The following TYMP variants were observed in gnomAD, a reference collection of about 807,000 sequenced individuals.
TYMP encodes the protein thymidine phosphorylase, also known as gliostatin.
Under a neutral mutation model 42.3 loss-of-function variants are expected in TYMP, and 46 were observed. That is an observed-to-expected ratio of 1.09 (90% CI 0.86 to 1.39). The LOEUF is 1.39. TYMP is among the 40% of genes most tolerant of loss of function. The pLI is 0.00. For synonymous variants in TYMP, 363 were observed against 308.0 expected, an observed-to-expected ratio of 1.18 and a Z score of -1.87; for missense variants, 837 against 677.6, an observed-to-expected ratio of 1.24 and a Z score of -2.61.
Position 50,526,472 on chromosome 22 carries a change from GC to G in TYMP, c.932del (p.Gly311AlafsTer?). On this transcript the variant is annotated frameshift_variant, in exon 8 of 10. Transcript: ENST00000252029. LOFTEE classifies it high-confidence loss of function. ...CGTGTCCGCTGAGCCAGAGCAGGGC[GC>G]CCCCTGCGGGCGGGGACGGGTCTTA... ...DLRDLVTTLG[G>X]ALLWLSGHAG... 3 of 1,490,046 alleles carry G rather than the reference GC, an allele frequency of 2.0e-6. No homozygotes were observed. Among genetic ancestry groups the G allele is most frequent in the African/African-American group, 1.4e-5 (1 of 69,138 alleles). 92.3% of individuals were successfully genotyped at this position (1,490,046 alleles called of 1,614,324 possible). A position where few individuals can be genotyped will look rare whatever the true frequency, so the allele number is the denominator to read the frequency against.
intron 5 of TYMP, 55 bp from the exon 6 acceptor site, chr22:50,527,338 A>G (rs774897011): frequency 1.3e-5 from 19 of 1,488,182 alleles, no homozygotes; most frequent in African/African-American, 5.5e-5. Context: ...GCTTCTTGGG[A>G]GAGTTCGGGG....
Position 50,526,869 on chromosome 22 carries a change from G to A in TYMP, c.766-131C>T. 3 of 984,144 alleles carry A rather than the reference G, an allele frequency of 3.0e-6. No individual in the cohort carries two copies. In the Admixed American group the frequency reaches 7.4e-5, roughly 24 times the overall value. 61.0% of individuals were successfully genotyped at this position (984,144 alleles called of 1,614,324 possible). ...CATGAAGTCAGGGAAGGATTGGGGT[G>A]GGGAAGAGACACGAGTGAAGTGCGA... is the stretch of plus-strand genomic sequence containing the variant. On this transcript the variant is annotated intron_variant, in intron 6 of 9. Transcript: ENST00000252029.
In TYMP at chr22:50,526,045, A is replaced by T. The variant is rs1316453342; in HGVS notation, c.1256T>A (p.Val419Glu). 8 of 1,478,180 alleles carry T rather than the reference A, an allele frequency of 5.4e-6. No individual in the cohort carries two copies. Among genetic ancestry groups the T allele is most frequent in the Non-Finnish European group, 7.1e-6 (8 of 1,122,050 alleles). 91.6% of individuals were successfully genotyped at this position (1,478,180 alleles called of 1,614,324 possible). A position where few individuals can be genotyped will look rare whatever the true frequency, so the allele number is the denominator to read the frequency against. Reference sequence around the variant, plus strand: ...CACGTCGACCAGCAGCTCTGCGCCCACCCCCAGGCGGAGCGGCTCCCCAGC... The same window carrying T: ...CACGTCGACCAGCAGCTCTGCGCCCTCCCCCAGGCGGAGCGGCTCCCCAGC... ...SRAGEPLRLG[V>E]GAELLVDVGQ... is the part of the protein sequence containing the mutation. Residue 419 changes from valine (V) to glutamate (E), a missense_variant, in exon 9 of 10, where the codon GTG (valine) becomes GAG (glutamate). Transcript: ENST00000252029.
In TYMP at chr22:50,528,532, C is replaced by T. The variant is rs771890156; in HGVS notation, c.496G>A (p.Val166Ile). The change falls in exon 4 of 10, where the codon GTC becomes ATC. Residue 166 changes from valine to isoleucine, a missense_variant. Val to Ile is a conservative substitution (Grantham distance 29). Coordinates refer to ENST00000252029, the MANE Select transcript of TYMP (RefSeq NM_001953.5). ...CGTACCTGCTCTGGGCTCTGGATGA[C>T]ATTGAATCCAGGAATAGACTCCAGC... ...DKLESIPGFNVIQSPEQMQVL... is the reference protein window; with the variant it reads ...DKLESIPGFNIIQSPEQMQVL... 7.4e-6 allele frequency: 12 copies of T among 1,613,760 alleles called. No individual in the cohort carries two copies. The South Asian group carries it at 1.3e-4, about 18-fold the overall frequency.
At chr22:50,528,963 C>G (rs374540798) in intron 3 of TYMP, 173 bp downstream of exon 3, 20 of 748,242 alleles carry the variant, frequency 2.7e-5, no homozygotes, top group Non-Finnish European at 3.4e-5. Context: ...GGGCCCCAAG[C>G]GCTGTGCTGG....
intron 4 of TYMP, chr22:50,528,164 A>G (rs1195830959): frequency 7.5e-6 from 3 of 397,662 alleles, no homozygotes; most frequent in Non-Finnish European, 1.4e-5. Flanking sequence ...TGCGTGCACC[A>G]CCACACGCAG....
chr22:50,527,391 G>T (rs752585814), intron 5 of TYMP, 108 bp from the exon 6 acceptor site: 3 of 1,248,588 alleles, frequency 2.4e-6, no homozygotes, highest in African/African-American at 3.0e-5. Context: ...TGAGGGTCAA[G>T]TCCCTTATTA....
intron 1 of TYMP, 31 bp from the exon 2 acceptor site, chr22:50,529,750 G>A (rs771544327): frequency 3.2e-6 from 5 of 1,569,586 alleles, no homozygotes; most frequent in Admixed American, 3.6e-5. Context: ...TCCGGGGTCT[G>A]CGGCCTCCCG....
chr22:50,528,053 C>G, intron 4 of TYMP: 1 of 404,986 alleles, frequency 2.5e-6, no homozygotes, highest in Non-Finnish European at 4.6e-6. Context: ...ACTCTGTTGC[C>G]CAGGCTGGAG....
rs1203886148 is a variant in TYMP, at chr22:50,525,802, AG to A, written c.1416del (p.Phe473SerfsTer?). 3 of 1,610,696 alleles carry A rather than the reference AG, an allele frequency of 1.9e-6. No individual in the cohort carries two copies. The highest frequency in any genetic ancestry group is 3.3e-5 in the Admixed American group (2 of 59,904). On this transcript the variant is annotated frameshift_variant, in exon 10 of 10. Coordinates refer to ENST00000252029, the MANE Select transcript of TYMP (RefSeq NM_001953.5). LOFTEE classifies it high-confidence loss of function. ...SDRAPFAAPS[P>X]FAELVLPPQQ ...TGCGGCGGCAGAACGAGCTCTGCGA[AG>A]GGCGAGGGGGCGGCGAATGGCGCGC...
chr22:50,529,215 A>G lies in TYMP; in HGVS notation c.338T>C (p.Val113Ala), dbSNP rs1316277969. ...CACACCCCCTGTGGAATGCTTGTCC[A>G]CAAGCTGCTGGCGCCAGGCCTCTGG... is the stretch of plus-strand genomic sequence containing the variant. ...EWPEAWRQQLVDKHSTGGVGD... is the reference protein window; with the variant it reads ...EWPEAWRQQLADKHSTGGVGD... Residue 113 changes from valine to alanine, a missense_variant, in exon 3 of 10, where the codon GTG becomes GCG. Coordinates refer to ENST00000252029, the MANE Select transcript of TYMP (RefSeq NM_001953.5). 6.2e-6 allele frequency: 10 copies of G among 1,613,164 alleles called. No individual in the cohort carries two copies. Among genetic ancestry groups the G allele is most frequent in the Non-Finnish European group, 8.5e-6 (10 of 1,180,018 alleles).
At chr22:50,529,754 C>T in intron 1 of TYMP, 35 bp from the exon 2 acceptor site, 13 of 1,564,344 alleles carry the variant, frequency 8.3e-6, no homozygotes, top group Non-Finnish European at 1.1e-5. Flanking sequence ...GGGTCTGCGG[C>T]CTCCCGGCGT....
chr22:50,529,489 CACGCACCGATCTGT>C lies in TYMP; in HGVS notation c.207_214+6del. 1 of 1,612,312 alleles carries C rather than the reference CACGCACCGATCTGT, an allele frequency of 6.2e-7. No homozygotes were observed. The highest frequency in any genetic ancestry group is 1.3e-5 in the African/African-American group (1 of 75,072). On this transcript the variant is annotated splice_donor_variant and splice_donor_5th_base_variant and coding_sequence_variant and intron_variant, in exon 2 of 10. Transcript: ENST00000252029. LOFTEE classifies it high-confidence loss of function. ...GGGGTCAGGAACGCCCAACCCTCCC[CACGCACCGATCTGT>C]GCGCCCTGCGCGCTCCCATTCACCA... is the stretch of plus-strand genomic sequence containing the variant.
rs772666221 is a variant in TYMP, at chr22:50,527,246, G to C, written c.684C>G (p.Ser228=). The C allele has an allele frequency of 2.5e-6, 4 of 1,613,610 alleles. No homozygotes were observed. Among genetic ancestry groups the C allele is most frequent in the East Asian group, 2.2e-5 (1 of 44,880 alleles). ...CGAACTTAACGTCCACCACCAGAGC[G>C]GACAGCCCCTCCACGAGTTTCTTAC... ...ILSKKLVEGL[S]ALVVDVKFGG... is the part of the protein sequence containing the mutation. Residue 228 remains serine (S), a synonymous_variant, in exon 6 of 10, where the codon TCC becomes TCG. Coordinates refer to ENST00000252029, the MANE Select transcript of TYMP (RefSeq NM_001953.5).
chr22:50,529,031 T>A, intron 3 of TYMP, 105 bp downstream of exon 3: 2 of 1,180,278 alleles, frequency 1.7e-6, no homozygotes, highest in Non-Finnish European at 2.5e-6. Flanking sequence ...CTTGGTAGGG[T>A]CTTGGAGGCT....
rs200818286 is a variant in TYMP at position 50,527,580 on chromosome 22, C to A, written c.646+8G>T. ...AACATGCAGAAGCAGGCCATGGAGT[C>A]AGGTCACCTGTGATGAGTGGCAGGC... On this transcript the variant is annotated splice_region_variant and intron_variant, in intron 5 of 9. Transcript: ENST00000252029. The A allele has an allele frequency of 3.1e-6, 5 of 1,613,814 alleles. No individual in the cohort carries two copies. Among genetic ancestry groups the A allele is most frequent in the Non-Finnish European group, 4.2e-6 (5 of 1,180,002 alleles).
chr22:50,529,858 G>T, intron 1 of TYMP, 46 bp downstream of exon 1: 1 of 749,746 alleles, frequency 1.3e-6, no homozygotes, highest in Non-Finnish European at 2.1e-6. Context: ...CCTCGTCCGT[G>T]TCTGCCTCCC....
At chr22:50,526,507 C>G in intron 7 of TYMP, 31 bp from the exon 8 acceptor site, 3 of 1,523,528 alleles carry the variant, frequency 2.0e-6, no homozygotes, top group Non-Finnish European at 2.6e-6. Context: ...TAGGCGCGGC[C>G]GGGTCGGGGC....
Position 50,526,069 on chromosome 22 carries a change from G to C in TYMP, c.1232C>G (p.Ala411Gly). The C allele has an allele frequency of 6.7e-7, 1 of 1,484,064 alleles. No individual in the cohort carries two copies. The highest frequency in any genetic ancestry group is 1.3e-5 in the South Asian group (1 of 78,732). 91.9% of individuals were successfully genotyped at this position (1,484,064 alleles called of 1,614,324 possible). The change falls in exon 9 of 10, where the codon GCT becomes GGT. Residue 411 changes from alanine (A) to glycine (G), a missense_variant. Physicochemically the swap from Ala to Gly is moderately conservative, Grantham distance 60. Transcript: ENST00000252029. ...CACCCCCAGGCGGAGCGGCTCCCCA[G>C]CGCGGCTGCGCCCGGCCCCGAGCTC... is the stretch of plus-strand genomic sequence containing the variant. ...LHELGAGRSR[A>G]GEPLRLGVGA...
Sources: allele counts gnomAD v4.1 joint callset, GRCh38; gene constraint gnomAD v4.1.1; transcripts MANE v1.5; gene names NCBI Gene and HGNC (gene_info 2026-07-23, HGNC 2026-07-21).